VPS13B: variants seen among roughly 807,000 people sequenced by gnomAD.
VPS13B encodes vacuolar protein sorting 13 homolog B.
VPS13B carries 285 observed loss-of-function variants against 426.4 expected under a neutral mutation model. That is an observed-to-expected ratio of 0.67 (90% CI 0.61 to 0.74). VPS13B has a LOEUF of 0.74. Among genes scored for constraint, VPS13B ranks in the 30% least tolerant of loss-of-function variants. The pLI is 0.00. For synonymous variants in VPS13B, 1,676 were observed against 1,676.4 expected, an observed-to-expected ratio of 1.00 and a Z score of 0.01; for missense variants, 4,537 against 4,782.6, an observed-to-expected ratio of 0.95 and a Z score of 1.51.
At chr8:99,519,644 C>T (rs977397396) in intron 29 of VPS13B, among the ~76,000 whole-genome samples, 2 of 152,110 alleles carry the variant, frequency 1.3e-5, no homozygotes, top group Admixed American at 1.3e-4. Context: ...GAGTTCACGT[C>T]CTTTGTAGGG....
chr8:99,777,216 A>G (rs1811786900), intron 41 of VPS13B, among the ~76,000 whole-genome samples: 1 of 152,150 alleles, frequency 6.6e-6, no homozygotes, highest in Admixed American at 6.5e-5. Context: ...GAATTTTTCA[A>G]GGAAGTTAGT....
intron 17 of VPS13B, among the ~76,000 whole-genome samples, chr8:99,201,227 T>C (rs774362463): frequency 3.9e-5 from 6 of 152,168 alleles, no homozygotes; most frequent in Non-Finnish European, 2.9e-5. Context: ...TGAATTAAAC[T>C]GTTACTGATT....
chr8:99,359,144 T>C (rs1812354055), intron 19 of VPS13B, among the ~76,000 whole-genome samples: 1 of 152,196 alleles, frequency 6.6e-6, no homozygotes, highest in African/African-American at 2.4e-5. Flanking sequence ...TCTTGTTTGC[T>C]GTCATAAAAT....
chr8:99,547,359 A>G (rs923314923), intron 30 of VPS13B, among the ~76,000 whole-genome samples: 1 of 152,054 alleles, frequency 6.6e-6, no homozygotes, highest in African/African-American at 2.4e-5. Flanking sequence ...AATTACTGTC[A>G]CTTATGGAGA....
chr8:99,585,649 CA>C (rs1055438801), intron 33 of VPS13B, among the ~76,000 whole-genome samples: 1 of 151,802 alleles, frequency 6.6e-6, no homozygotes, highest in African/African-American at 2.4e-5. Context: ...TAAAAACATG[CA>C]AAAAACTAGG....
chr8:99,346,644 A>G, intron 19 of VPS13B: 1 of 175,724 alleles, frequency 5.7e-6, no homozygotes, highest in Non-Finnish European at 1.2e-5. Context: ...TAGGTCATCC[A>G]GGTCTTTGCC....
intron 19 of VPS13B, chr8:99,347,424 G>C (rs1223631409): frequency 5.8e-6 from 1 of 172,182 alleles, no homozygotes; most frequent in Admixed American, 5.6e-5. Context: ...ATTTTATCTT[G>C]GATTGGCATT....
At chr8:99,687,001 C>T (rs915299825) in intron 35 of VPS13B, among the ~76,000 whole-genome samples, 4 of 152,044 alleles carry the variant, frequency 2.6e-5, no homozygotes, top group African/African-American at 9.7e-5. Flanking sequence ...GAGTGTCTCA[C>T]CCAGGGCCCA....
chr8:99,373,542 A>G (rs550341412), intron 19 of VPS13B, among the ~76,000 whole-genome samples: 6 of 152,310 alleles, frequency 3.9e-5, no homozygotes, highest in Non-Finnish European at 5.9e-5. Context: ...CATAAGTCAG[A>G]TAGAAGGAGA....
chr8:99,175,983 C>T (rs900148354), intron 16 of VPS13B, among the ~76,000 whole-genome samples: 3 of 152,122 alleles, frequency 2.0e-5, no homozygotes, highest in African/African-American at 7.2e-5. Context: ...GTTGTATCTG[C>T]TTAAAATGCT....
chr8:99,698,258 G>A (rs1414430750), intron 35 of VPS13B, among the ~76,000 whole-genome samples: 1 of 152,224 alleles, frequency 6.6e-6, no homozygotes, highest in African/African-American at 2.4e-5. Context: ...TGCAGCTGCT[G>A]CAGCTGCCTG....
At chr8:99,591,983 C>T (rs1271956258) in intron 33 of VPS13B, among the ~76,000 whole-genome samples, 1 of 152,120 alleles carries the variant, frequency 6.6e-6, no homozygotes, top group Non-Finnish European at 1.5e-5. Flanking sequence ...TTTTCAGGTA[C>T]ACCAATCAAA....
intron 54 of VPS13B, among the ~76,000 whole-genome samples, chr8:99,839,467 G>A (rs1815565947): frequency 1.3e-5 from 2 of 152,146 alleles, no homozygotes; most frequent in Non-Finnish European, 1.5e-5. Flanking sequence ...TGCAGTAAAG[G>A]GAAGATAAAG....
intron 21 of VPS13B, among the ~76,000 whole-genome samples, chr8:99,414,323 A>G (rs1815867781): frequency 6.6e-6 from 1 of 150,602 alleles, no homozygotes; most frequent in Non-Finnish European, 1.5e-5. Context: ...TTTGGACATG[A>G]GATGGGTCTC....
At chr8:99,654,859 C>CAAA (rs796454771) in intron 34 of VPS13B, among the ~76,000 whole-genome samples, 1 of 121,138 alleles carries the variant, frequency 8.3e-6, no homozygotes, top group African/African-American at 3.0e-5. Flanking sequence ...AGGATTAAGC[C>CAAA]AAAAAAAAAA....
chr8:99,464,627 T>A (rs1819015091), intron 23 of VPS13B, among the ~76,000 whole-genome samples: 1 of 152,208 alleles, frequency 6.6e-6, no homozygotes, highest in African/African-American at 2.4e-5. Flanking sequence ...CAACATGTGA[T>A]ACAATATAAA....
intron 19 of VPS13B, among the ~76,000 whole-genome samples, chr8:99,324,649 T>C (rs1810146449): frequency 6.6e-6 from 1 of 152,194 alleles, no homozygotes; most frequent in African/African-American, 2.4e-5. Context: ...AAGCCACATA[T>C]ATAGCTGTTT....
intron 23 of VPS13B, among the ~76,000 whole-genome samples, chr8:99,459,907 T>A (rs1318352388): frequency 6.6e-6 from 1 of 152,174 alleles, no homozygotes; most frequent in Non-Finnish European, 1.5e-5. Flanking sequence ...TATCTGTTAT[T>A]AATTATAGCT....
At chr8:99,403,231 C>A (rs1399025925) in intron 21 of VPS13B, among the ~76,000 whole-genome samples, 1 of 152,082 alleles carries the variant, frequency 6.6e-6, no homozygotes, top group Middle Eastern at 3.2e-3. Flanking sequence ...CCTCTGAACT[C>A]ACATACTTAA....
Sources: gnomAD v4.1 joint callset for allele counts (sites outside exome capture counted in the v4.1 genomes callset) on GRCh38, gnomAD v4.1.1 for gene constraint, MANE v1.5 for transcripts, NCBI Gene and HGNC (gene_info 2026-07-23, HGNC 2026-07-21) for gene names.